The following KCNJ15 variants were observed in gnomAD, a reference collection of about 807,000 sequenced individuals.
KCNJ15 encodes ATP-sensitive inward rectifier potassium channel 15.
Under a neutral mutation model 23.0 loss-of-function variants are expected in KCNJ15, and 14 were observed. The ratio of observed to expected loss-of-function variants is 0.61; its 90% CI spans 0.40 to 0.95. KCNJ15 has a LOEUF of 0.95. Among genes scored for constraint, KCNJ15 ranks in the 40% least tolerant of loss-of-function variants. The pLI, the probability that KCNJ15 is intolerant of heterozygous loss-of-function variation, is 0.00. For missense variants in KCNJ15, 388 were observed against 461.8 expected (o/e 0.84, Z 1.46); for synonymous variants, 185 against 183.2 (o/e 1.01, Z -0.08).
At chr21:38,268,025 A>T (rs1038072743) in intron 1 of KCNJ15, among the ~76,000 whole-genome samples, 6 of 152,228 alleles carry the variant, frequency 3.9e-5, no homozygotes, top group Admixed American at 6.5e-5. Flanking sequence ...CCTGGTTTTT[A>T]TGAGCAACCC....
Position 38,301,645 on chromosome 21 carries a change from G to T in KCNJ15, c.*1256G>T, listed in dbSNP as rs1336695920. The T allele has an allele frequency of 6.0e-6, 1 of 167,012 alleles. No individual in the cohort carries two copies. Among genetic ancestry groups the T allele is most frequent in the Non-Finnish European group, 1.5e-5 (1 of 68,110 alleles). 10.3% of individuals were successfully genotyped at this position (167,012 alleles called of 1,614,324 possible). On this transcript the variant is annotated 3_prime_UTR_variant, in exon 3 of 3. Coordinates refer to ENST00000398938, the MANE Select transcript of KCNJ15 (RefSeq NM_170736.3). ...CTGAAGGTAAGAAACTCATAAACAA[G>T]ATGACTCTTTGATGCATGAACAAGA...
chr21:38,282,750 G>A (rs1193007505), intron 1 of KCNJ15, among the ~76,000 whole-genome samples: 2 of 152,112 alleles, frequency 1.3e-5, no homozygotes, highest in Non-Finnish European at 2.9e-5. Context: ...CCACATGCCA[G>A]GCCTTGTGTT....
chr21:38,299,887 A>G lies in KCNJ15; in HGVS notation c.626A>G (p.Gln209Arg), dbSNP rs1002489224. Residue 209 changes from glutamine to arginine, a missense_variant, in exon 3 of 3, where the codon CAG becomes CGG. Physicochemically the swap from Gln to Arg is conservative, Grantham distance 43 (BLOSUM62 1). Coordinates refer to ENST00000398938, the MANE Select transcript of KCNJ15 (RefSeq NM_170736.3). This position sits in a 1 kb window ranked among gnomAD's most constrained non-coding sequence, Gnocchi z 4.5. ...VANMRKSLLI[Q>R]CQLSGKLLQT... ...AATATGAGGAAGAGCCTCTTGATTC[A>G]GTGCCAGCTCTCTGGCAAGCTCCTG... 1 of 1,614,058 alleles carries G rather than the reference A, an allele frequency of 6.2e-7. No individual in the cohort carries two copies. The highest frequency in any genetic ancestry group is 1.7e-5 in the Admixed American group (1 of 60,020).
At chr21:38,231,103 T>G (rs1988724716) in intron 1 of KCNJ15, among the ~76,000 whole-genome samples, 1 of 152,200 alleles carries the variant, frequency 6.6e-6, no homozygotes, top group South Asian at 2.1e-4. Context: ...TTCAACAACG[T>G]TTTGTAGTTG....
chr21:38,281,608 T>C (rs1983352328), intron 1 of KCNJ15, among the ~76,000 whole-genome samples: 1 of 152,210 alleles, frequency 6.6e-6, no homozygotes, highest in South Asian at 2.1e-4. Flanking sequence ...GATTTAATTC[T>C]TTTTTATGGC....
At chr21:38,256,479 T>C (rs1252624347), upstream of KCNJ15, among the ~76,000 whole-genome samples, 2 of 151,452 alleles carry the variant, frequency 1.3e-5, no homozygotes, top group East Asian at 3.9e-4. Flanking sequence ...TGCTTAGGTA[T>C]GTTTGACATA....
chr21:38,303,392 C>A lies in KCNJ15; in HGVS notation c.*3003C>A, dbSNP rs1474371384. On this transcript the variant is annotated 3_prime_UTR_variant, in exon 3 of 3. Coordinates refer to ENST00000398938, the MANE Select transcript of KCNJ15 (RefSeq NM_170736.3). ...TGAGACCATTAAAAAACGTTGTGTT[C>A]CATTTGAGAAACCAGAGTCAACAGC... 6.6e-6 allele frequency: 1 copy of A among 151,934 alleles called. No homozygotes were observed. Among genetic ancestry groups the A allele is most frequent in the Non-Finnish European group, 1.5e-5 (1 of 67,970 alleles). The allele number at this position is 151,934 out of a possible 1,614,324, so 9.4% of individuals were successfully genotyped here.
At chr21:38,248,576 T>G (rs995441862) in intron 1 of KCNJ15, among the ~76,000 whole-genome samples, 2 of 151,988 alleles carry the variant, frequency 1.3e-5, no homozygotes, top group African/African-American at 4.8e-5. Flanking sequence ...GCATGCAAAT[T>G]GTTTAAGATA....
Position 38,304,732 on chromosome 21 carries a change from G to A in KCNJ15, c.*4343G>A. 1 of 70,366 alleles carries A rather than the reference G, an allele frequency of 1.4e-5. No individual in the cohort carries two copies. The highest frequency in any genetic ancestry group is 4.0e-4 in the East Asian group (1 of 2,512). The allele number at this position is 70,366 out of a possible 1,614,324, so 4.4% of individuals were successfully genotyped here. A position where few individuals can be genotyped will look rare whatever the true frequency, so the allele number is the denominator to read the frequency against. ...GCTCTGTCGCCCAGGCTGCTAGAGT[G>A]CAGTGGCGCGATTTCGGCTCACTGC... On this transcript the variant is annotated 3_prime_UTR_variant, in exon 3 of 3. Transcript: ENST00000398938.
intron 1 of KCNJ15, among the ~76,000 whole-genome samples, chr21:38,286,175 G>A (rs1051889070): frequency 8.5e-5 from 13 of 152,118 alleles, no homozygotes; most frequent in African/African-American, 1.4e-4. Context: ...CCTGGGAGGC[G>A]GAGCTTGTAG....
chr21:38,255,072 AGATG>A (rs1980098641), upstream of KCNJ15, among the ~76,000 whole-genome samples: 1 of 152,212 alleles, frequency 6.6e-6, no homozygotes, highest in Non-Finnish European at 1.5e-5. Context: ...ACTGGAACAC[AGATG>A]GTAAATGGAA....
At chr21:38,238,081 C>T in intron 1 of KCNJ15, 1 of 321,526 alleles carries the variant, frequency 3.1e-6, no homozygotes, top group Non-Finnish European at 6.1e-6. Context: ...GAGTGGGTGC[C>T]CAAGGGAGGC....
intron 1 of KCNJ15, among the ~76,000 whole-genome samples, chr21:38,262,230 C>A (rs1295209016): frequency 1.3e-5 from 2 of 152,158 alleles, no homozygotes; most frequent in African/African-American, 4.8e-5. Context: ...TGTACTCTTC[C>A]TACCAACGCC....
At chr21:38,285,214 G>A (rs929499106) in intron 1 of KCNJ15, among the ~76,000 whole-genome samples, 21 of 152,110 alleles carry the variant, frequency 1.4e-4, no homozygotes, top group African/African-American at 3.6e-4. Context: ...CTGTTCATCC[G>A]TGGTAAATGT....
rs1979667193 is a variant in KCNJ15, at chr21:38,249,274, T to C, written c.-398-7772T>C. ...CAAGAGATTGCAATGATTGTTTAAA[T>C]TGATAACCCAAGTACTTTTTCTGAT... On this transcript the variant is annotated intron_variant, in intron 1 of 4. Transcript: ENST00000547341. Among the ~76,000 whole-genome samples, 9 of 152,278 alleles carry C rather than the reference T, an allele frequency of 5.9e-5. 1 individual carries two copies. In the South Asian group the frequency reaches 1.7e-3, roughly 28 times the overall value.
Position 38,303,099 on chromosome 21 carries a change from C to A in KCNJ15, c.*2710C>A, listed in dbSNP as rs1601270545. 2 of 152,114 alleles carry A rather than the reference C, an allele frequency of 1.3e-5. No homozygotes were observed. The highest frequency in any genetic ancestry group is 1.3e-4 in the Admixed American group (2 of 15,282). 9.4% of individuals were successfully genotyped at this position (152,114 alleles called of 1,614,324 possible). A position where few individuals can be genotyped will look rare whatever the true frequency, so the allele number is the denominator to read the frequency against. ...ATAAGTCAACAAATCATATAATATTCAATAAATAGCTCTGAAGTTGTATCT... is the reference window on the plus strand; with the variant it reads ...ATAAGTCAACAAATCATATAATATTAAATAAATAGCTCTGAAGTTGTATCT... On this transcript the variant is annotated 3_prime_UTR_variant, in exon 3 of 3. Coordinates refer to ENST00000398938, the MANE Select transcript of KCNJ15 (RefSeq NM_170736.3).
intron 1 of KCNJ15, among the ~76,000 whole-genome samples, chr21:38,290,471 G>A (rs1984482228): frequency 6.6e-6 from 1 of 152,172 alleles, no homozygotes; most frequent in Non-Finnish European, 1.5e-5. Context: ...CACATGCAAT[G>A]CAAATGTGGA....
rs1985870954 is a variant in KCNJ15, at chr21:38,302,506, A to G, written c.*2117A>G. The G allele has an allele frequency of 7.2e-6, 1 of 138,798 alleles. No homozygotes were observed. Among genetic ancestry groups the G allele is most frequent in the Non-Finnish European group, 1.5e-5 (1 of 65,054 alleles). 8.6% of individuals were successfully genotyped at this position (138,798 alleles called of 1,614,324 possible). A position where few individuals can be genotyped will look rare whatever the true frequency, so the allele number is the denominator to read the frequency against. ...GGTTTTTTTTTCCTTGTCTGTTGAT[A>G]ATTTTATGGAAGGTTGCTTTAGATC... is the stretch of plus-strand genomic sequence containing the variant. On this transcript the variant is annotated 3_prime_UTR_variant, in exon 3 of 3. Transcript: ENST00000398938.
chr21:38,283,764 G>T (rs1983599233), intron 1 of KCNJ15, among the ~76,000 whole-genome samples: 1 of 152,178 alleles, frequency 6.6e-6, no homozygotes, highest in Admixed American at 6.5e-5. Flanking sequence ...CGGACACCAT[G>T]CAGGAAGCTC....
Sources: gnomAD v4.1 joint callset for allele counts (sites outside exome capture counted in the v4.1 genomes callset) on GRCh38, gnomAD v4.1.1 for gene constraint, Gnocchi (gnomAD v3.1) non-coding constraint, MANE v1.5 for transcripts, NCBI Gene and HGNC (gene_info 2026-07-23, HGNC 2026-07-21) for gene names.